Variants in FAXC observed in about 807,000 individuals in gnomAD.
FAXC encodes failed axon connections homolog.
In FAXC, 10 loss-of-function variants were observed where a neutral mutation model predicts 41.9. The observed-to-expected ratio is 0.24, with a 90% CI of 0.15 to 0.41. FAXC has a LOEUF of 0.41. FAXC is among the 10% of genes least tolerant of loss of function. FAXC has a pLI of 1.00. For missense variants in FAXC, 399 were observed against 510.9 expected (o/e 0.78, Z 2.11); for synonymous variants, 183 against 183.8 (o/e 1.00, Z 0.03).
At chr6:99,288,859 T>TACACACACACACACAAACACACAC (rs1771122957) in intron 5 of FAXC, among the ~76,000 whole-genome samples, 1 of 145,736 alleles carries the variant, frequency 6.9e-6, no homozygotes, top group Non-Finnish European at 1.5e-5. Flanking sequence ...CACACACACA[T>TACACACACACACACAAACACACAC]ACACACACAC....
intron 4 of FAXC, among the ~76,000 whole-genome samples, chr6:99,316,163 C>T (rs1011086738): frequency 6.6e-6 from 1 of 151,632 alleles, no homozygotes; most frequent in African/African-American, 2.4e-5. Flanking sequence ...ACTCGCCCCC[C>T]CCCACCCACA....
At chr6:99,300,204 GT>G (rs1282293356) in intron 4 of FAXC, among the ~76,000 whole-genome samples, 1 of 152,170 alleles carries the variant, frequency 6.6e-6, no homozygotes, top group Non-Finnish European at 1.5e-5. Flanking sequence ...TAAGCAAAGG[GT>G]TGTGTATCCT....
chr6:99,322,640 A>C (rs1270550646), intron 4 of FAXC, among the ~76,000 whole-genome samples: 1 of 152,158 alleles, frequency 6.6e-6, no homozygotes, highest in Admixed American at 6.5e-5. Context: ...TACATTAGCT[A>C]TCCCCCAGGA....
chr6:99,297,449 C>T (rs2128452038), intron 4 of FAXC, among the ~76,000 whole-genome samples: 1 of 152,274 alleles, frequency 6.6e-6, no homozygotes, highest in Non-Finnish European at 1.5e-5. Context: ...AGGGAACAAG[C>T]AAGCTGCAAA....
chr6:99,321,941 T>C (rs1057183503), intron 4 of FAXC, among the ~76,000 whole-genome samples: 6 of 152,194 alleles, frequency 3.9e-5, no homozygotes, highest in Non-Finnish European at 7.4e-5. Context: ...CACAACAGCA[T>C]GAGCCGGTGA....
chr6:99,277,860 T>G lies in FAXC; in HGVS notation c.*3304A>C, dbSNP rs138513818. 6.6e-6 allele frequency: 1 copy of G among 152,194 alleles called. No individual in the cohort carries two copies. The highest frequency in any genetic ancestry group is 2.4e-5 in the African/African-American group (1 of 41,444). 9.4% of individuals were successfully genotyped at this position (152,194 alleles called of 1,614,324 possible). A position where few individuals can be genotyped will look rare whatever the true frequency, so the allele number is the denominator to read the frequency against. On this transcript the variant is annotated 3_prime_UTR_variant, in exon 6 of 6. Transcript: ENST00000389677. Reference sequence around the variant, plus strand: ...TTTGGTCCTGCCCTTCAAATAAGTATGTATGTGACACTGAGCCAATAAGGT... The same window carrying G: ...TTTGGTCCTGCCCTTCAAATAAGTAGGTATGTGACACTGAGCCAATAAGGT...
At position 99,278,653 on chromosome 6, in the gene FAXC, C is replaced by T. The variant is rs1031552361; in HGVS notation, c.*2511G>A. On this transcript the variant is annotated 3_prime_UTR_variant, in exon 6 of 6. Transcript: ENST00000389677. ...TTGGTTATTTTGTTTGCATAACCCG[C>T]CTTGGGAAAGTAAAGCAGGGGCATA... The T allele has an allele frequency of 6.6e-6, 1 of 152,148 alleles. No individual in the cohort carries two copies. Among genetic ancestry groups the T allele is most frequent in the African/African-American group, 2.4e-5 (1 of 41,432 alleles). 9.4% of individuals were successfully genotyped at this position (152,148 alleles called of 1,614,324 possible).
intron 2 of FAXC, among the ~76,000 whole-genome samples, chr6:99,334,091 T>C (rs1268307458): frequency 1.3e-5 from 2 of 152,336 alleles, no homozygotes; most frequent in South Asian, 2.1e-4. Context: ...TCAACTACTG[T>C]GCCTCTTAAA....
rs934184469 is a variant in FAXC at position 99,278,524 on chromosome 6, C to T, written c.*2640G>A. The T allele has an allele frequency of 2.6e-5, 4 of 152,172 alleles. No individual in the cohort carries two copies. Among genetic ancestry groups the T allele is most frequent in the Non-Finnish European group, 5.9e-5 (4 of 68,036 alleles). The allele number at this position is 152,172 out of a possible 1,614,324, so 9.4% of individuals were successfully genotyped here. A position where few individuals can be genotyped will look rare whatever the true frequency, so the allele number is the denominator to read the frequency against. Reference sequence around the variant, plus strand: ...TTATAGTTTTTTCCTATAATTAGCACCTGTTCATGAAATTGGAGAACATTT... The same window carrying T: ...TTATAGTTTTTTCCTATAATTAGCATCTGTTCATGAAATTGGAGAACATTT... On this transcript the variant is annotated 3_prime_UTR_variant, in exon 6 of 6. Transcript: ENST00000389677.
intron 4 of FAXC, among the ~76,000 whole-genome samples, chr6:99,304,314 T>A (rs75203126): frequency 0.049 from 7,256 of 147,692 alleles, 478 homozygotes; most frequent in East Asian, 0.35. Context: ...TAAAATAATT[T>A]AAAAAAAAAA....
chr6:99,310,250 T>A (rs1772104838), intron 4 of FAXC, among the ~76,000 whole-genome samples: 1 of 152,184 alleles, frequency 6.6e-6, no homozygotes, highest in South Asian at 2.1e-4. Flanking sequence ...TGTTCTAGAT[T>A]TTATCACCTC....
chr6:99,316,824 T>C (rs947328151), intron 4 of FAXC, among the ~76,000 whole-genome samples: 1 of 152,262 alleles, frequency 6.6e-6, no homozygotes, highest in Non-Finnish European at 1.5e-5. Flanking sequence ...ACAAAGTTGC[T>C]TGATTGTTTT....
rs758694723 is a variant in FAXC, at chr6:99,281,168, T to G, written c.1226A>C (p.Lys409Thr). Residue 409 changes from lysine to threonine, a missense_variant, in exon 6 of 6, where the codon AAG becomes ACG. This residue lies in a region of FAXC where 92 missense variants were observed against 94.9 expected (regional missense o/e 0.97). Transcript: ENST00000389677. ...MDDYTDHEQC[K>T] Reference sequence around the variant, plus strand: ...GAGGGTCAGTGAGGCTGGACGTCACTTGCACTGTTCGTGGTCTGTATAGTC... The same window carrying G: ...GAGGGTCAGTGAGGCTGGACGTCACGTGCACTGTTCGTGGTCTGTATAGTC... 7.3e-7 allele frequency: 1 copy of G among 1,374,690 alleles called. No individual in the cohort carries two copies. The highest frequency in any genetic ancestry group is 1.0e-6 in the Non-Finnish European group (1 of 961,678). 85.2% of individuals were successfully genotyped at this position (1,374,690 alleles called of 1,614,324 possible). A position where few individuals can be genotyped will look rare whatever the true frequency, so the allele number is the denominator to read the frequency against.
At chr6:99,310,544 T>C (rs1451733854) in intron 4 of FAXC, among the ~76,000 whole-genome samples, 1 of 152,242 alleles carries the variant, frequency 6.6e-6, no homozygotes, top group Non-Finnish European at 1.5e-5. Context: ...AAGCCACTGC[T>C]CAAGACAAGC....
intron 1 of FAXC, among the ~76,000 whole-genome samples, chr6:99,347,085 G>A (rs550187676): frequency 6.6e-6 from 1 of 151,638 alleles, no homozygotes; most frequent in African/African-American, 2.4e-5. Context: ...AACATAGTGA[G>A]ACCCCATCTC....
chr6:99,346,847 C>A (rs1449972746), intron 1 of FAXC, among the ~76,000 whole-genome samples: 1 of 152,198 alleles, frequency 6.6e-6, no homozygotes, highest in Admixed American at 6.5e-5. Flanking sequence ...GAACAAACAA[C>A]AGTTGTGAGG....
chr6:99,307,617 G>C lies in FAXC; in HGVS notation c.824-15797C>G, dbSNP rs1190518746. ...TTGCGGGCTAAGCAGGAGTGCACTT[G>C]CAGGCTGTGAGGGCAAGGTCAGGGG... On this transcript the variant is annotated intron_variant, in intron 4 of 5. Coordinates refer to ENST00000389677, the MANE Select transcript of FAXC (RefSeq NM_032511.4). Among the ~76,000 whole-genome samples the C allele has an allele frequency of 2.0e-5, 3 of 152,144 alleles. No homozygotes were observed. The East Asian group carries it at 5.8e-4, about 29-fold the overall frequency.
intron 2 of FAXC, among the ~76,000 whole-genome samples, chr6:99,336,278 A>C (rs143062305): frequency 6.6e-6 from 1 of 151,788 alleles, no homozygotes; most frequent in Non-Finnish European, 1.5e-5. Flanking sequence ...TTTTTCCTAA[A>C]TATTTTTATT....
chr6:99,282,468 T>C (rs1770876092), intron 5 of FAXC, among the ~76,000 whole-genome samples: 1 of 152,206 alleles, frequency 6.6e-6, no homozygotes, highest in Non-Finnish European at 1.5e-5. Flanking sequence ...TACATGAAAT[T>C]GAACAGCGGT....
Sources: allele counts gnomAD v4.1 joint callset (sites outside exome capture counted in the v4.1 genomes callset), GRCh38; gene constraint gnomAD v4.1.1; regional missense constraint gnomAD v4.1.1; transcripts MANE v1.5; gene names NCBI Gene and HGNC (gene_info 2026-07-23, HGNC 2026-07-21).